Variants in IFT80 observed in about 807,000 individuals in gnomAD.
IFT80 encodes intraflagellar transport 80, also known as intraflagellar transport protein 80 homolog.
Under a neutral mutation model 107.9 loss-of-function variants are expected in IFT80, and 79 were observed. The ratio of observed to expected loss-of-function variants is 0.73; its 90% confidence interval spans 0.61 to 0.88. The LOEUF (loss-of-function observed/expected upper bound fraction) is 0.88. IFT80 is among the 40% of genes least tolerant of loss of function. The pLI, the probability that IFT80 is intolerant of heterozygous loss-of-function variation, is 0.00. For missense variants in IFT80, 797 were observed against 914.2 expected, an observed-to-expected ratio of 0.87 and a Z score of 1.65; for synonymous variants, 299 against 300.9, an observed-to-expected ratio of 0.99 and a Z score of 0.07.
intron 8 of IFT80, among the ~76,000 whole-genome samples, chr3:160,351,547 T>C (rs1399873494): frequency 1.4e-5 from 2 of 146,486 alleles, no homozygotes; most frequent in Admixed American, 1.4e-4. Context: ...TATATACACA[T>C]ATATTATATG....
intron 9 of IFT80, among the ~76,000 whole-genome samples, chr3:160,311,293 A>G (rs904163168): frequency 2.0e-5 from 3 of 152,244 alleles, no homozygotes; most frequent in African/African-American, 4.8e-5. Context: ...ATTTAAAAAG[A>G]CTTAAGAGAC....
chr3:160,366,029 T>C lies in IFT80; in HGVS notation c.549+14A>G. The C allele has an allele frequency of 6.3e-7, 1 of 1,594,750 alleles. No individual in the cohort carries two copies. ...GCAGACCCTGATAACAATTTACAAA[T>C]GACTGAGAAGTACCTGCAAAACTTT... On this transcript the variant is annotated intron_variant, in intron 6 of 19. Transcript: ENST00000326448.
intron 7 of IFT80, among the ~76,000 whole-genome samples, 194 bp downstream of exon 7, chr3:160,357,295 G>T (rs1474949391): frequency 6.6e-6 from 1 of 152,062 alleles, no homozygotes; most frequent in Non-Finnish European, 1.5e-5. Context: ...GGGCCTCACT[G>T]TGTTGTCCAG....
At chr3:160,336,070 T>G (rs1241292527) in intron 8 of IFT80, among the ~76,000 whole-genome samples, 1 of 152,230 alleles carries the variant, frequency 6.6e-6, no homozygotes. Context: ...GGATGGACAC[T>G]TCAATTTTTT....
chr3:160,273,530 G>C (rs989562021), intron 18 of IFT80, among the ~76,000 whole-genome samples: 1 of 152,130 alleles, frequency 6.6e-6, no homozygotes, highest in East Asian at 1.9e-4. Flanking sequence ...GCGAAGGTGA[G>C]GAAAATGTTA....
Position 160,287,563 on chromosome 3 carries a change from C to T in IFT80, c.1316-1695G>A, listed in dbSNP as rs377601246. ...AGGGGATGAAGAACTTCTGATTCCT[C>T]CATGGCCATGGGGTCACCCAGGGTA... On this transcript the variant is annotated intron_variant, in intron 12 of 19. Coordinates refer to ENST00000326448, the MANE Select transcript of IFT80 (RefSeq NM_020800.3). 1.1e-4 allele frequency among the ~76,000 whole-genome samples: 17 copies of T among 152,174 alleles called. 1 individual carries two copies. Among genetic ancestry groups the T allele is most frequent in the East Asian group, 7.7e-4 (4 of 5,188 alleles).
intron 19 of IFT80, 71 bp from the exon 20 acceptor site, chr3:160,258,706 T>A: frequency 6.5e-7 from 1 of 1,545,046 alleles, no homozygotes; most frequent in Non-Finnish European, 8.8e-7. Flanking sequence ...CCAAAGTAAC[T>A]AAGAGTAAAC....
chr3:160,335,253 C>T (rs552160334), intron 8 of IFT80, among the ~76,000 whole-genome samples: 18 of 144,022 alleles, frequency 1.2e-4, no homozygotes, highest in Admixed American at 3.6e-4. Context: ...TTTTTTGAGA[C>T]GGAGTCTTGC....
intron 7 of IFT80, 29 bp downstream of exon 7, chr3:160,357,460 G>C: frequency 8.6e-7 from 1 of 1,157,098 alleles, no homozygotes; most frequent in East Asian, 2.3e-5. Flanking sequence ...GATTATTTCA[G>C]CCAAGTGATA....
At chr3:160,283,902 T>TACCCA (rs1714892185) in intron 13 of IFT80, among the ~76,000 whole-genome samples, 1 of 152,182 alleles carries the variant, frequency 6.6e-6, no homozygotes, top group African/African-American at 2.4e-5. Context: ...CTCTTTGTAG[T>TACCCA]GGGACATAAA....
chr3:160,315,573 G>A (rs887319769), intron 9 of IFT80, among the ~76,000 whole-genome samples: 3 of 152,028 alleles, frequency 2.0e-5, no homozygotes, highest in African/African-American at 7.2e-5. Flanking sequence ...ATGAGTTTGG[G>A]GTCTCAAGAT....
Position 160,356,002 on chromosome 3 carries a change from C to T in IFT80, c.777+11G>A, listed in dbSNP as rs768065950. Reference sequence around the variant, plus strand: ...ACAGCACATCTGTGATTGCTCACCACTATAACTTACCCCAGTTTTATCACA... The same window carrying T: ...ACAGCACATCTGTGATTGCTCACCATTATAACTTACCCCAGTTTTATCACA... On this transcript the variant is annotated intron_variant, in intron 8 of 19. Transcript: ENST00000326448. 1 of 1,613,842 alleles carries T rather than the reference C, an allele frequency of 6.2e-7. No individual in the cohort carries two copies. Among genetic ancestry groups the T allele is most frequent in the Non-Finnish European group, 8.5e-7 (1 of 1,179,798 alleles).
At chr3:160,304,613 T>A (rs184537514) in intron 10 of IFT80, among the ~76,000 whole-genome samples, 2 of 151,974 alleles carry the variant, frequency 1.3e-5, no homozygotes, top group Admixed American at 1.3e-4. Flanking sequence ...TTTTTTGTAT[T>A]TTTAGTAGAG....
intron 8 of IFT80, among the ~76,000 whole-genome samples, chr3:160,354,302 G>C (rs1720911112): frequency 6.6e-6 from 1 of 152,092 alleles, no homozygotes. Context: ...AAACTTTAGA[G>C]TCAATGGAAG....
intron 9 of IFT80, among the ~76,000 whole-genome samples, chr3:160,313,671 G>A (rs1042560550): frequency 2.7e-5 from 4 of 150,048 alleles, no homozygotes; most frequent in Admixed American, 1.3e-4. Context: ...GTGCAGTGGC[G>A]TGATCTCAGC....
intron 14 of IFT80, among the ~76,000 whole-genome samples, chr3:160,282,222 G>A (rs895368040): frequency 5.9e-5 from 9 of 152,114 alleles, no homozygotes; most frequent in African/African-American, 9.7e-5. Context: ...CGGAGGTTTT[G>A]GTGACCTTGA....
chr3:160,359,473 G>T (rs1479435378), intron 6 of IFT80, among the ~76,000 whole-genome samples: 2 of 152,168 alleles, frequency 1.3e-5, no homozygotes, highest in Non-Finnish European at 2.9e-5. Flanking sequence ...GAGCTCTGAA[G>T]AGAGCAGTGG....
rs1207733984 is a variant in IFT80 at position 160,378,646 on chromosome 3, T to TA, written c.260-1107dup. On this transcript the variant is annotated intron_variant, in intron 3 of 19. Coordinates refer to ENST00000326448, the MANE Select transcript of IFT80 (RefSeq NM_020800.3). ...AAATTATGAGAACACATATAAAATT[T>TA]AAAAAAAAAAAATCACTGTAGCTGG... Among the ~76,000 whole-genome samples, 199 of 144,974 alleles carry TA rather than the reference T, an allele frequency of 1.4e-3. 1 individual carries two copies. The highest frequency in any genetic ancestry group is 3.2e-3 in the African/African-American group (126 of 39,672).
Position 160,298,500 on chromosome 3 carries a change from TTAA to T in IFT80, c.1315+2380_1315+2382del, listed in dbSNP as rs1219583935. On this transcript the variant is annotated intron_variant, in intron 12 of 19. Coordinates refer to ENST00000326448, the MANE Select transcript of IFT80 (RefSeq NM_020800.3). Reference sequence around the variant, plus strand: ...ATATAAATTCATATTTCTGTAAATGTTAATAATTCTTTCTAGCTTTAAAATTCT... The same window carrying T: ...ATATAAATTCATATTTCTGTAAATGTTAATTCTTTCTAGCTTTAAAATTCT... Among the ~76,000 whole-genome samples the T allele has an allele frequency of 2.0e-5, 3 of 152,192 alleles. No homozygotes were observed. The East Asian group carries it at 5.8e-4, about 29-fold the overall frequency.
Sources: allele counts gnomAD v4.1 joint callset (sites outside exome capture counted in the v4.1 genomes callset), GRCh38; gene constraint gnomAD v4.1.1; transcripts MANE v1.5; gene names NCBI Gene and HGNC (gene_info 2026-07-23, HGNC 2026-07-21).